Variants in IL1RAPL2 observed in about 807,000 individuals in gnomAD.
IL1RAPL2 encodes the protein X-linked interleukin-1 receptor accessory protein-like 2.
Under a neutral mutation model 44.1 loss-of-function variants are expected in IL1RAPL2, and 3 were observed. The ratio of observed to expected loss-of-function variants is 0.07; its 90% CI spans 0.03 to 0.18. The LOEUF is 0.18. IL1RAPL2 is among the 10% of genes least tolerant of loss of function. The probability of loss-of-function intolerance (pLI) is 1.00; values close to 1 mark genes in which losing one functional copy is unlikely to be tolerated. For missense variants in IL1RAPL2, 391 were observed against 496.4 expected (o/e 0.79, Z 2.02); for synonymous variants, 181 against 178.8 (o/e 1.01, Z -0.10).
At chrX:105,435,555 G>A (rs892844730) in intron 5 of IL1RAPL2, among the ~76,000 whole-genome samples, 1 of 111,532 alleles carries the variant, frequency 9.0e-6, no homozygotes, top group Non-Finnish European at 1.9e-5. Context: ...TATACACAAA[G>A]GGATATAAAT....
chrX:105,626,853 C>G (rs188609592), intron 6 of IL1RAPL2, among the ~76,000 whole-genome samples: 9 of 111,667 alleles, frequency 8.1e-5, no homozygotes, highest in Non-Finnish European at 1.7e-4. Context: ...CTTGGCCTAG[C>G]ATTTCTCCAA....
intron 2 of IL1RAPL2, among the ~76,000 whole-genome samples, chrX:105,087,615 T>G (rs1477396669): frequency 8.9e-6 from 1 of 111,919 alleles, no homozygotes; most frequent in Non-Finnish European, 1.9e-5. Context: ...CTAATGCCTA[T>G]GGTTTGTAAT....
chrX:105,608,055 C>T (rs962638542), intron 6 of IL1RAPL2, among the ~76,000 whole-genome samples: 4 of 111,254 alleles, frequency 3.6e-5, no homozygotes, highest in Non-Finnish European at 7.6e-5. Context: ...AACTGCTAAA[C>T]TGTGAAGGAA....
chrX:104,971,447 G>T (rs1363380635), intron 2 of IL1RAPL2, among the ~76,000 whole-genome samples: 2 of 111,853 alleles, frequency 1.8e-5, no homozygotes, highest in African/African-American at 6.5e-5. Flanking sequence ...GTTGGGATCA[G>T]TGCCCTGGTT....
At chrX:104,582,853 T>TTTCTTTCTTTCTTTCTTTCC (rs1928432488) in intron 1 of IL1RAPL2, among the ~76,000 whole-genome samples, 1 of 90,599 alleles carries the variant, frequency 1.1e-5, no homozygotes, top group East Asian at 3.4e-4. Flanking sequence ...TCTTTCTTTC[T>TTTCTTTCTTTCTTTCTTTCC]TTCTTTCTTT....
chrX:104,913,144 C>T (rs1461947431), intron 2 of IL1RAPL2, among the ~76,000 whole-genome samples: 1 of 111,317 alleles, frequency 9.0e-6, no homozygotes, highest in Non-Finnish European at 1.9e-5. Context: ...CTTTTTGTGG[C>T]AAGACTCAGT....
At chrX:105,042,243 A>C (rs1381660539) in intron 2 of IL1RAPL2, among the ~76,000 whole-genome samples, 18 of 108,690 alleles carry the variant, frequency 1.7e-4, no homozygotes, top group Non-Finnish European at 3.1e-4. Context: ...TAATTAAACT[A>C]AAGAGCTTCT....
intron 6 of IL1RAPL2, among the ~76,000 whole-genome samples, chrX:105,658,596 A>T (rs2037693325): frequency 9.0e-6 from 1 of 110,801 alleles, no homozygotes; most frequent in Non-Finnish European, 1.9e-5. Flanking sequence ...AGGCCAAAGC[A>T]GGTGGATCAC....
At chrX:104,860,084 C>T (rs748920426) in intron 2 of IL1RAPL2, among the ~76,000 whole-genome samples, 1 of 112,117 alleles carries the variant, frequency 8.9e-6, no homozygotes, top group Non-Finnish European at 1.9e-5. Flanking sequence ...TGTTCTTTTG[C>T]TGTCTGCTTG....
chrX:104,716,211 G>A (rs988694924), intron 2 of IL1RAPL2, among the ~76,000 whole-genome samples: 2 of 111,567 alleles, frequency 1.8e-5, no homozygotes, highest in Non-Finnish European at 3.8e-5. Context: ...ATGTTGCTGG[G>A]ATAAATGACT....
intron 2 of IL1RAPL2, among the ~76,000 whole-genome samples, chrX:104,732,843 C>A (rs1017455597): frequency 3.6e-5 from 4 of 111,549 alleles, no homozygotes; most frequent in African/African-American, 1.3e-4. Context: ...TTACAGATTA[C>A]CTCACATACA....
intron 6 of IL1RAPL2, among the ~76,000 whole-genome samples, chrX:105,525,449 T>C (rs1602450763): frequency 9.0e-6 from 1 of 111,517 alleles, no homozygotes; most frequent in East Asian, 2.8e-4. Flanking sequence ...ATCTAGTACC[T>C]AGATTGTACA....
chrX:105,164,004 ATTTATT>A (rs1343283684), intron 2 of IL1RAPL2, among the ~76,000 whole-genome samples: 1 of 111,113 alleles, frequency 9.0e-6, no homozygotes, highest in African/African-American at 3.3e-5. Flanking sequence ...CGAATTAGAC[ATTTATT>A]TTAATGAGTT....
intron 5 of IL1RAPL2, among the ~76,000 whole-genome samples, chrX:105,378,115 A>G (rs1199386178): frequency 8.9e-6 from 1 of 111,921 alleles, no homozygotes; most frequent in African/African-American, 3.2e-5. Flanking sequence ...TTAGTTTTCA[A>G]AAGGACATTC....
At chrX:105,428,221 T>A (rs1178142688) in intron 5 of IL1RAPL2, among the ~76,000 whole-genome samples, 2 of 111,707 alleles carry the variant, frequency 1.8e-5, no homozygotes, top group Non-Finnish European at 3.8e-5. Context: ...ATATAGACAG[T>A]ACTAATATAA....
intron 6 of IL1RAPL2, among the ~76,000 whole-genome samples, chrX:105,496,654 G>A (rs766445180): frequency 3.6e-5 from 4 of 111,967 alleles, no homozygotes; most frequent in African/African-American, 9.7e-5. Context: ...AAGGTTCTTT[G>A]TGACACCCAC....
chrX:104,973,456 A>G (rs1488864589), intron 2 of IL1RAPL2, among the ~76,000 whole-genome samples: 1 of 111,539 alleles, frequency 9.0e-6, no homozygotes, highest in East Asian at 2.8e-4. Context: ...AAAACAAAAC[A>G]CTTTAGCATC....
At chrX:104,914,028 A>G (rs1391733145) in intron 2 of IL1RAPL2, among the ~76,000 whole-genome samples, 1 of 111,656 alleles carries the variant, frequency 9.0e-6, no homozygotes, top group Non-Finnish European at 1.9e-5. Flanking sequence ...AAAATAGGAC[A>G]TAAGAACCAG....
At chrX:105,560,450 C>T (rs1465104048) in intron 6 of IL1RAPL2, among the ~76,000 whole-genome samples, 3 of 110,956 alleles carry the variant, frequency 2.7e-5, no homozygotes, top group Non-Finnish European at 5.7e-5. Flanking sequence ...GGGAGTTTCA[C>T]TCTTGTCACC....
Sources: allele counts gnomAD v4.1 joint callset (sites outside exome capture counted in the v4.1 genomes callset), GRCh38; gene constraint gnomAD v4.1.1; transcripts MANE v1.5; gene names NCBI Gene and HGNC (gene_info 2026-07-23, HGNC 2026-07-21).